The following IL10RB variants were observed in gnomAD, a reference collection of about 807,000 sequenced individuals.
IL10RB encodes interleukin-10 receptor subunit beta.
A neutral mutation model predicts 38.7 loss-of-function variants in IL10RB; 30 were observed. The ratio of observed to expected loss-of-function variants is 0.78; its 90% CI spans 0.58 to 1.05. The LOEUF is 1.05. IL10RB is among the 50% of genes least tolerant of loss of function. The probability of loss-of-function intolerance (pLI) is 0.00; values close to 1 mark genes in which losing one functional copy is unlikely to be tolerated. For missense variants in IL10RB, 328 were observed against 397.1 expected (o/e 0.83, Z 1.48); for synonymous variants, 142 against 145.9 (o/e 0.97, Z 0.19).
chr21:33,295,548 T>G (rs992904192), intron 6 of IL10RB, among the ~76,000 whole-genome samples: 21 of 149,864 alleles, frequency 1.4e-4, no homozygotes, highest in Non-Finnish European at 3.1e-4. Flanking sequence ...GGCGGGCACC[T>G]GTAGTCCCAG....
intron 5 of IL10RB, among the ~76,000 whole-genome samples, chr21:33,286,200 T>C (rs1363810136): frequency 6.6e-6 from 1 of 152,244 alleles, no homozygotes; most frequent in Non-Finnish European, 1.5e-5. Flanking sequence ...AGCCACGCAC[T>C]GTGACAAGCA....
intron 1 of IL10RB, chr21:33,267,995 G>T (rs1989004421): frequency 5.9e-6 from 2 of 336,792 alleles, no homozygotes; most frequent in Admixed American, 8.2e-5. Flanking sequence ...CCCCAGCTGA[G>T]CTCCAATCGG....
At position 33,275,090 on chromosome 21, in the gene IL10RB, A is replaced by G. The variant is rs140544701; in HGVS notation, c.174-1506A>G. ...TTGCTGCTTCACCTTGCACTTTTAT[A>G]TTATGGAGATGGCTTCTGTCCTTAA... On this transcript the variant is annotated intron_variant, in intron 2 of 6. Transcript: ENST00000290200. 4.5e-3 allele frequency among the ~76,000 whole-genome samples: 665 copies of G among 149,356 alleles called. 1 individual carries two copies. The highest frequency in any genetic ancestry group is 0.013 in the African/African-American group (522 of 40,482).
At chr21:33,277,262 T>C (rs1223106742) in intron 3 of IL10RB, among the ~76,000 whole-genome samples, 1 of 151,138 alleles carries the variant, frequency 6.6e-6, no homozygotes, top group Non-Finnish European at 1.5e-5. Flanking sequence ...GTTCCCAGGT[T>C]AGGTGGAGAT....
chr21:33,268,454 T>G lies in IL10RB; in HGVS notation c.110T>G (p.Ile37Ser). 1 of 1,614,168 alleles carries G rather than the reference T, an allele frequency of 6.2e-7. No individual in the cohort carries two copies. The highest frequency in any genetic ancestry group is 8.5e-7 in the Non-Finnish European group (1 of 1,179,990). Residue 37 changes from isoleucine to serine, a missense_variant, in exon 2 of 7, where the codon ATT becomes AGT. Ile to Ser is a moderately radical substitution (Grantham distance 142). Transcript: ENST00000290200. The part of the protein sequence containing the change: ...VRMNSVNFKN[I>S]LQWESPAFAK... Reference sequence around the variant, plus strand: ...ATGAATTCTGTTAATTTCAAGAACATTCTACAGTGGGAGTCACCTGCTTTT... The same window carrying G: ...ATGAATTCTGTTAATTTCAAGAACAGTCTACAGTGGGAGTCACCTGCTTTT...
chr21:33,288,331 C>G, intron 6 of IL10RB, 70 bp downstream of exon 6: 1 of 1,337,862 alleles, frequency 7.5e-7, no homozygotes, highest in Non-Finnish European at 1.1e-6. Context: ...CTAGTTAGGG[C>G]TGCCCAATTC....
At chr21:33,282,243 C>T (rs939043975) in intron 4 of IL10RB, among the ~76,000 whole-genome samples, 2 of 152,264 alleles carry the variant, frequency 1.3e-5, no homozygotes, top group South Asian at 2.1e-4. Context: ...AAAGAACTAA[C>T]CAATTGCGAC....
intron 2 of IL10RB, among the ~76,000 whole-genome samples, chr21:33,270,660 C>G (rs1199897139): frequency 6.7e-6 from 1 of 149,076 alleles, no homozygotes; most frequent in East Asian, 2.0e-4. Context: ...AGGCGTGAGC[C>G]ACCGCGCCCA....
chr21:33,271,528 A>G (rs527393026), intron 2 of IL10RB, among the ~76,000 whole-genome samples: 1 of 152,266 alleles, frequency 6.6e-6, no homozygotes, highest in African/African-American at 2.4e-5. Flanking sequence ...CAGGAGTTCG[A>G]GACCAGCCTT....
At chr21:33,307,652 A>G (rs1292452515) in intron 1 of IL10RB, among the ~76,000 whole-genome samples, 1 of 152,100 alleles carries the variant, frequency 6.6e-6, no homozygotes, top group African/African-American at 2.4e-5. Context: ...GCCCGTGCAT[A>G]TGCTCTTCCC....
intron 6 of IL10RB, among the ~76,000 whole-genome samples, chr21:33,289,132 C>G (rs1186119806): frequency 6.6e-6 from 1 of 152,204 alleles, no homozygotes; most frequent in African/African-American, 2.4e-5. Context: ...GGCGTGTGAA[C>G]TCCACATTGG....
chr21:33,301,979 C>T (rs763237201), downstream of IL10RB, among the ~76,000 whole-genome samples: 4 of 152,192 alleles, frequency 2.6e-5, no homozygotes, highest in Non-Finnish European at 5.9e-5. Flanking sequence ...TGACCTGCTT[C>T]TACCCATGGA....
intron 4 of IL10RB, among the ~76,000 whole-genome samples, chr21:33,280,800 C>G (rs1351051499): frequency 6.6e-6 from 1 of 152,156 alleles, no homozygotes; most frequent in South Asian, 2.1e-4. Flanking sequence ...GAAGGGATCA[C>G]CCATGTTTAT....
chr21:33,290,526 T>C (rs1813728044), intron 6 of IL10RB, among the ~76,000 whole-genome samples: 1 of 152,154 alleles, frequency 6.6e-6, no homozygotes, highest in African/African-American at 2.4e-5. Context: ...GTTTCCCCAG[T>C]AGGTCACTGG....
chr21:33,293,939 T>G (rs953015133), intron 6 of IL10RB: 1 of 469,590 alleles, frequency 2.1e-6, no homozygotes, highest in African/African-American at 2.0e-5. Context: ...GGGTAAAAGG[T>G]GTTGTGTTAA....
Position 33,295,251 on chromosome 21 carries a change from G to A in IL10RB, c.805-933G>A, listed in dbSNP as rs190982491. The stretch of plus-strand genomic sequence containing the variant: ...TGGGCGCCTATAGTCCCAGCTACTC[G>A]GGAGGCTGAGGCAGGGGAGTGGCGT... On this transcript the variant is annotated intron_variant, in intron 6 of 6. Coordinates refer to ENST00000290200, the MANE Select transcript of IL10RB (RefSeq NM_000628.5). 2.3e-4 allele frequency among the ~76,000 whole-genome samples: 34 copies of A among 150,320 alleles called. 1 individual carries two copies. In the South Asian group the frequency reaches 4.7e-3, roughly 21 times the overall value.
chr21:33,283,009 C>CTAT, intron 4 of IL10RB, 85 bp from the exon 5 acceptor site: 1 of 1,097,662 alleles, frequency 9.1e-7, no homozygotes, highest in Non-Finnish European at 1.4e-6. Context: ...TCTAAAACGG[C>CTAT]TATTATCACT....
At chr21:33,279,109 G>A (rs1356150336) in intron 3 of IL10RB, among the ~76,000 whole-genome samples, 2 of 152,192 alleles carry the variant, frequency 1.3e-5, no homozygotes, top group African/African-American at 4.8e-5. Context: ...TGGTTCTTAA[G>A]AAGACTGAAG....
intron 6 of IL10RB, among the ~76,000 whole-genome samples, chr21:33,292,706 G>A (rs1277290178): frequency 2.0e-5 from 3 of 152,100 alleles, no homozygotes; most frequent in Admixed American, 6.5e-5. Flanking sequence ...CAGAACTCTC[G>A]TATCTATGTT....
Sources: gnomAD v4.1 joint callset for allele counts (sites outside exome capture counted in the v4.1 genomes callset) on GRCh38, gnomAD v4.1.1 for gene constraint, MANE v1.5 for transcripts, NCBI Gene and HGNC (gene_info 2026-07-23, HGNC 2026-07-21) for gene names.